The following INPP4B variants were observed in gnomAD, a reference collection of about 807,000 sequenced individuals.
INPP4B encodes the protein inositol polyphosphate-4-phosphatase type II B.
Under a neutral mutation model 122.5 loss-of-function variants are expected in INPP4B, and 55 were observed. The ratio of observed to expected loss-of-function variants is 0.45; its 90% CI spans 0.36 to 0.56. INPP4B has a LOEUF of 0.56. Among genes scored for constraint, INPP4B ranks in the 20% least tolerant of loss-of-function variants. INPP4B has a pLI of 0.00. For synonymous variants in INPP4B, 403 were observed against 388.7 expected, an observed-to-expected ratio of 1.04 and a Z score of -0.43; for missense variants, 1,000 against 1,097.7, an observed-to-expected ratio of 0.91 and a Z score of 1.26.
chr4:142,378,209 C>T (rs376998984), intron 7 of INPP4B, among the ~76,000 whole-genome samples: 35 of 152,176 alleles, frequency 2.3e-4, no homozygotes, highest in Non-Finnish European at 1.3e-4. Flanking sequence ...AGTAAGCAGC[C>T]GATCTGAGAC....
intron 2 of INPP4B, among the ~76,000 whole-genome samples, chr4:142,717,706 C>T (rs1434061328): frequency 6.6e-6 from 1 of 151,808 alleles, no homozygotes; most frequent in African/African-American, 2.4e-5. Flanking sequence ...CACTTGGACA[C>T]AGGGCGGGGA....
intron 5 of INPP4B, among the ~76,000 whole-genome samples, chr4:142,428,055 A>G (rs964660775): frequency 2.6e-5 from 4 of 151,790 alleles, no homozygotes; most frequent in African/African-American, 9.7e-5. Context: ...TATTTAATTT[A>G]TAGCACAATT....
chr4:142,488,522 T>C (rs1020588307), intron 2 of INPP4B, among the ~76,000 whole-genome samples: 1 of 152,124 alleles, frequency 6.6e-6, no homozygotes, highest in African/African-American at 2.4e-5. Context: ...GTTTTCTCTA[T>C]GAGAATGTTT....
At chr4:142,396,510 TA>T (rs1562005882) in intron 7 of INPP4B, among the ~76,000 whole-genome samples, 1 of 151,838 alleles carries the variant, frequency 6.6e-6, no homozygotes, top group Non-Finnish European at 1.5e-5. Context: ...GGAGTAGGAG[TA>T]AAAAGTCATG....
intron 21 of INPP4B, among the ~76,000 whole-genome samples, chr4:142,114,411 G>C (rs1791881526): frequency 2.0e-5 from 3 of 152,016 alleles, no homozygotes; most frequent in Non-Finnish European, 2.9e-5. Context: ...CAATGTACAA[G>C]GGTTCCAGGT....
chr4:142,648,068 C>G (rs955283666), intron 2 of INPP4B, among the ~76,000 whole-genome samples: 1 of 152,242 alleles, frequency 6.6e-6, no homozygotes, highest in Non-Finnish European at 1.5e-5. Flanking sequence ...TAGAAAGGAA[C>G]TCACTGCTTC....
intron 7 of INPP4B, among the ~76,000 whole-genome samples, chr4:142,324,427 C>T (rs1039271399): frequency 6.6e-6 from 1 of 152,100 alleles, no homozygotes; most frequent in Non-Finnish European, 1.5e-5. Context: ...AGACATTCCA[C>T]TATACTTCTT....
intron 2 of INPP4B, among the ~76,000 whole-genome samples, chr4:142,707,994 G>T (rs1235406696): frequency 6.6e-6 from 1 of 152,330 alleles, no homozygotes; most frequent in East Asian, 1.9e-4. Flanking sequence ...CTCAGATGGA[G>T]ATGAGAACTT....
chr4:142,763,138 A>G (rs1464065622), intron 1 of INPP4B, among the ~76,000 whole-genome samples: 1 of 152,180 alleles, frequency 6.6e-6, no homozygotes, highest in Non-Finnish European at 1.5e-5. Flanking sequence ...TACAATTGTC[A>G]TCTTGGAGAA....
chr4:142,593,946 T>C (rs936816347), intron 2 of INPP4B, among the ~76,000 whole-genome samples: 6 of 152,066 alleles, frequency 3.9e-5, no homozygotes, highest in Non-Finnish European at 8.8e-5. Context: ...GCTTATTATA[T>C]CTTAGATCTT....
chr4:142,374,796 G>C (rs1444054709), intron 7 of INPP4B, among the ~76,000 whole-genome samples: 1 of 151,724 alleles, frequency 6.6e-6, no homozygotes, highest in African/African-American at 2.4e-5. Context: ...TATTCAATGA[G>C]GTAGGTCTAA....
chr4:142,689,354 A>ATGTT (rs1553991182), intron 2 of INPP4B, among the ~76,000 whole-genome samples: 2 of 152,100 alleles, frequency 1.3e-5, no homozygotes, highest in Non-Finnish European at 2.9e-5. Context: ...ATTAATTTAC[A>ATGTT]TGTTTGTTGG....
At chr4:142,334,501 C>A (rs1309604783) in intron 7 of INPP4B, among the ~76,000 whole-genome samples, 2 of 152,108 alleles carry the variant, frequency 1.3e-5, no homozygotes, top group Non-Finnish European at 2.9e-5. Context: ...TATGGTAGTT[C>A]TATTTTTAAA....
chr4:142,830,979 A>G (rs1046601731), intron 1 of INPP4B, among the ~76,000 whole-genome samples: 21 of 151,668 alleles, frequency 1.4e-4, no homozygotes, highest in African/African-American at 5.1e-4. Flanking sequence ...CCAAGATCAC[A>G]CCACTGCACT....
At chr4:142,271,851 A>G (rs1746018477) in intron 9 of INPP4B, among the ~76,000 whole-genome samples, 1 of 152,206 alleles carries the variant, frequency 6.6e-6, no homozygotes, top group African/African-American at 2.4e-5. Flanking sequence ...TTTGGCAATA[A>G]TAATGAAAGC....
At chr4:142,806,060 A>T (rs1373996664) in intron 1 of INPP4B, among the ~76,000 whole-genome samples, 1 of 152,132 alleles carries the variant, frequency 6.6e-6, no homozygotes, top group Non-Finnish European at 1.5e-5. Flanking sequence ...CGGGCGGATC[A>T]CGAGGTCAGG....
At chr4:142,749,500 G>T (rs895336681) in intron 1 of INPP4B, among the ~76,000 whole-genome samples, 4 of 150,656 alleles carry the variant, frequency 2.7e-5, no homozygotes, top group African/African-American at 9.8e-5. Context: ...AGAAGTAAAA[G>T]AAAATGATGT....
At chr4:142,421,582 CTTTAA>C (rs1257684396) in intron 5 of INPP4B, among the ~76,000 whole-genome samples, 3 of 152,024 alleles carry the variant, frequency 2.0e-5, no homozygotes, top group African/African-American at 7.2e-5. Context: ...ATTTCTAGAG[CTTTAA>C]TTTATTTTAC....
intron 12 of INPP4B, among the ~76,000 whole-genome samples, chr4:142,233,264 T>C (rs1579377130): frequency 6.6e-6 from 1 of 152,018 alleles, no homozygotes; most frequent in East Asian, 1.9e-4. Flanking sequence ...GAACAATATA[T>C]GAAAGGGACT....
Sources: allele counts gnomAD v4.1 joint callset (sites outside exome capture counted in the v4.1 genomes callset), GRCh38; gene constraint gnomAD v4.1.1; transcripts MANE v1.5; gene names NCBI Gene and HGNC (gene_info 2026-07-23, HGNC 2026-07-21).